Variants in TFAP4 observed in about 807,000 individuals in gnomAD.
TFAP4 encodes the protein activating enhancer-binding protein 4.
In TFAP4, 7 loss-of-function variants were observed where a neutral mutation model predicts 40.4. The observed-to-expected ratio is 0.17, with a 90% CI of 0.10 to 0.33. The LOEUF is 0.33. Ranked by LOEUF, TFAP4 falls within the 10% of genes least tolerant of loss-of-function variation. The probability of loss-of-function intolerance (pLI) is 1.00; values close to 1 mark genes in which losing one functional copy is unlikely to be tolerated. For synonymous variants in TFAP4, 218 were observed against 181.4 expected (o/e 1.20, Z -1.62); for missense variants, 374 against 451.1 (o/e 0.83, Z 1.55).
At position 4,257,854 on chromosome 16, in the gene TFAP4, C is replaced by G. The variant is rs1339109399; in HGVS notation, c.*201G>C. ...TGGGGTGCCGATGCTCCCACACGCT[C>G]TGCGACACCCCAGCCCCGGGACCTC... On this transcript the variant is annotated 3_prime_UTR_variant, in exon 7 of 7. Coordinates refer to ENST00000204517, the MANE Select transcript of TFAP4 (RefSeq NM_003223.3). 3.4e-6 allele frequency: 2 copies of G among 590,032 alleles called. No individual in the cohort carries two copies. Among genetic ancestry groups the G allele is most frequent in the Non-Finnish European group, 2.9e-6 (1 of 344,322 alleles). 36.5% of individuals were successfully genotyped at this position (590,032 alleles called of 1,614,324 possible).
intron 1 of TFAP4, among the ~76,000 whole-genome samples, chr16:4,270,638 C>G (rs1425400301): frequency 6.6e-6 from 1 of 152,220 alleles, no homozygotes; most frequent in Non-Finnish European, 1.5e-5. Context: ...CTTGGCCTAC[C>G]AAGATCCAGC....
intron 6 of TFAP4, 141 bp from the exon 7 acceptor site, chr16:4,258,390 G>A (rs1019054874): frequency 4.6e-5 from 34 of 735,894 alleles, no homozygotes; most frequent in Non-Finnish European, 7.2e-5. Context: ...GGGGAGGCCC[G>A]CTAGAGTACA....
At position 4,258,077 on chromosome 16, in the gene TFAP4, G is replaced by A. The variant is rs911940515; in HGVS notation, c.995C>T (p.Ser332Leu). 4 of 1,612,554 alleles carry A rather than the reference G, an allele frequency of 2.5e-6. No individual in the cohort carries two copies. The highest frequency in any genetic ancestry group is 2.7e-5 in the African/African-American group (2 of 74,868). Residue 332 changes from serine (S) to leucine (L), a missense_variant, in exon 7 of 7, where the codon TCG becomes TTG. This residue lies in a region of TFAP4 where 93 missense variants were observed against 79.2 expected (regional missense o/e 1.17). Coordinates refer to ENST00000204517, the MANE Select transcript of TFAP4 (RefSeq NM_003223.3). ...DAMDQSREEP[S>L]GDGELP ...TAGTCAGGGAAGCTCCCCGTCCCCC[G>A]ACGGCTCCTCCCGGCTCTGGTCCAT...
chr16:4,258,287 G>C (rs1181533350), intron 6 of TFAP4, 38 bp from the exon 7 acceptor site: 1 of 1,520,758 alleles, frequency 6.6e-7, no homozygotes, highest in Non-Finnish European at 8.9e-7. Context: ...CTCGGCCGGG[G>C]ATACATGGCC....
chr16:4,270,592 G>A (rs1188958054), intron 1 of TFAP4, among the ~76,000 whole-genome samples: 1 of 152,194 alleles, frequency 6.6e-6, no homozygotes. Context: ...ACGTTGCCAT[G>A]TCCAACCCTG....
chr16:4,271,993 T>C (rs915427311), intron 1 of TFAP4, among the ~76,000 whole-genome samples: 3 of 151,750 alleles, frequency 2.0e-5, no homozygotes, highest in Non-Finnish European at 4.4e-5. Flanking sequence ...GCCTCGCTAG[T>C]AAACAGCGCC....
chr16:4,258,045 G>A lies in TFAP4; in HGVS notation c.*10C>T, dbSNP rs536555461. The A allele has an allele frequency of 3.0e-4, 476 of 1,603,566 alleles. 5 individuals carry two copies. The South Asian group carries it at 3.0e-3, about 10-fold the overall frequency. ...AGCCCCCAGAAGGGAGAGGAGGGCTGGGGGGGTAGTCAGGGAAGCTCCCCG... is the reference window on the plus strand; with the variant it reads ...AGCCCCCAGAAGGGAGAGGAGGGCTAGGGGGGTAGTCAGGGAAGCTCCCCG... On this transcript the variant is annotated 3_prime_UTR_variant, in exon 7 of 7. Transcript: ENST00000204517.
chr16:4,272,232 C>A (rs900212763), intron 1 of TFAP4, among the ~76,000 whole-genome samples: 5 of 152,012 alleles, frequency 3.3e-5, no homozygotes, highest in Non-Finnish European at 5.9e-5. Context: ...GCTACACCCC[C>A]ACGCGCGCCC....
At chr16:4,267,612 G>T (rs1273122033) in intron 1 of TFAP4, among the ~76,000 whole-genome samples, 1 of 152,180 alleles carries the variant, frequency 6.6e-6, no homozygotes, top group Admixed American at 6.5e-5. Flanking sequence ...CCAGGCCAAA[G>T]TCAAGTACCC....
intron 6 of TFAP4, 53 bp downstream of exon 6, chr16:4,260,037 C>A: frequency 1.3e-6 from 2 of 1,563,696 alleles, no homozygotes; most frequent in Non-Finnish European, 1.7e-6. Context: ...CCCTAAAGAG[C>A]CTGTTCCCGG....
chr16:4,259,909 T>C (rs1434585498), intron 6 of TFAP4, among the ~76,000 whole-genome samples, 181 bp downstream of exon 6: 3 of 152,244 alleles, frequency 2.0e-5, no homozygotes, highest in African/African-American at 7.2e-5. Context: ...CCCCGATCTC[T>C]GGCCCTCACA....
Position 4,261,860 on chromosome 16 carries a change from C to T in TFAP4, c.444G>A (p.Ala148=). Residue 148 remains alanine, a synonymous_variant, in exon 4 of 7, where the codon GCG becomes GCA. Transcript: ENST00000204517. ...CAATCATCTCCCGCCGCAGGTCCTCCGCCTTCTCGTCCTCCCAGATGTCCG... is the reference window on the plus strand; with the variant it reads ...CAATCATCTCCCGCCGCAGGTCCTCTGCCTTCTCGTCCTCCCAGATGTCCG... ...GSPDIWEDEK[A]EDLRREMIEL... is the part of the protein sequence containing the mutation. The T allele has an allele frequency of 6.2e-7, 1 of 1,613,646 alleles. No individual in the cohort carries two copies. The highest frequency in any genetic ancestry group is 8.5e-7 in the Non-Finnish European group (1 of 1,179,888).
chr16:4,268,696 GTCC>G (rs2053016960), intron 1 of TFAP4, among the ~76,000 whole-genome samples: 1 of 151,926 alleles, frequency 6.6e-6, no homozygotes, highest in African/African-American at 2.4e-5. Context: ...GGCCCAGGTC[GTCC>G]TCCTTCCTCA....
rs762742957 is a variant in TFAP4, at chr16:4,260,607, A to G, written c.526-12T>C. On this transcript the variant is annotated splice_polypyrimidine_tract_variant and intron_variant, in intron 4 of 6. Coordinates refer to ENST00000204517, the MANE Select transcript of TFAP4 (RefSeq NM_003223.3). ...TCCAGCGAGCGCACCTGGAGGCAGG[A>G]CAACCTGGGCTCAGGGCCAAGGCCG... 25 of 1,584,198 alleles carry G rather than the reference A, an allele frequency of 1.6e-5. No homozygotes were observed. Among genetic ancestry groups the G allele is most frequent in the Non-Finnish European group, 2.1e-5 (25 of 1,166,434 alleles).
intron 1 of TFAP4, among the ~76,000 whole-genome samples, chr16:4,271,471 G>A (rs2053040045): frequency 1.3e-5 from 2 of 152,220 alleles, no homozygotes; most frequent in Non-Finnish European, 2.9e-5. Flanking sequence ...ACGCCCAGGG[G>A]GTCGTTCAAA....
chr16:4,261,306 G>T (rs1440392011), intron 4 of TFAP4, among the ~76,000 whole-genome samples: 1 of 150,878 alleles, frequency 6.6e-6, no homozygotes, highest in Non-Finnish European at 1.5e-5. Context: ...TTGAGATGGA[G>T]TCTCGCTCTG....
At chr16:4,269,942 A>G (rs966648349) in intron 1 of TFAP4, among the ~76,000 whole-genome samples, 1 of 152,170 alleles carries the variant, frequency 6.6e-6, no homozygotes, top group Non-Finnish European at 1.5e-5. Context: ...GTACTTTGGG[A>G]GGCCAAGGTG....
At position 4,272,988 on chromosome 16, in the gene TFAP4, G is replaced by GTC. The variant is rs2053053576; in HGVS notation, c.-243_-242insGA. ...TGTGTGTGTGTGTGTGTGTGTGTGT[G>GTC]TGTGTGTGTGTGTGTTTGCAGCTGA... On this transcript the variant is annotated 5_prime_UTR_variant, in exon 1 of 7. Coordinates refer to ENST00000204517, the MANE Select transcript of TFAP4 (RefSeq NM_003223.3). The GTC allele has an allele frequency of 2.0e-6, 1 of 493,028 alleles. No homozygotes were observed. The highest frequency in any genetic ancestry group is 3.3e-5 in the Admixed American group (1 of 30,596). 30.5% of individuals were successfully genotyped at this position (493,028 alleles called of 1,614,324 possible).
intron 1 of TFAP4, among the ~76,000 whole-genome samples, chr16:4,270,655 G>C (rs561257928): frequency 2.0e-5 from 3 of 152,334 alleles, no homozygotes; most frequent in African/African-American, 7.2e-5. Flanking sequence ...CAGCTACCCT[G>C]GGGGACTGCT....
Sources: gnomAD v4.1 joint callset for allele counts (sites outside exome capture counted in the v4.1 genomes callset) on GRCh38, gnomAD v4.1.1 for gene constraint, gnomAD v4.1.1 regional missense constraint, MANE v1.5 for transcripts, NCBI Gene and HGNC (gene_info 2026-07-23, HGNC 2026-07-21) for gene names.